Variants in LDLRAD3 observed in about 807,000 individuals in gnomAD.
The protein encoded by LDLRAD3 is low density lipoprotein receptor class A domain containing 3.
LDLRAD3 carries 20 observed loss-of-function variants against 29.4 expected under a neutral mutation model. That is an observed-to-expected ratio of 0.68 (90% CI 0.48 to 0.99). The LOEUF (loss-of-function observed/expected upper bound fraction) is 0.99, where lower values mean the gene tolerates loss of function less well. Ranked by LOEUF, LDLRAD3 falls within the 50% of genes least tolerant of loss-of-function variation. The pLI, the probability that LDLRAD3 is intolerant of heterozygous loss-of-function variation, is 0.00. For missense variants in LDLRAD3, 420 were observed against 454.3 expected (o/e 0.92, Z 0.69); for synonymous variants, 157 against 192.7 (o/e 0.81, Z 1.53).
chr11:36,140,992 T>TTCTTTCTCTCTC (rs1279929124), intron 4 of LDLRAD3, among the ~76,000 whole-genome samples: 89 of 110,048 alleles, frequency 8.1e-4, no homozygotes, highest in African/African-American at 2.7e-3. Context: ...CTGTTGAGCT[T>TTCTTTCTCTCTC]TCTCTCTCTC....
At chr11:36,054,532 T>C (rs1183297640) in intron 2 of LDLRAD3, among the ~76,000 whole-genome samples, 1 of 152,246 alleles carries the variant, frequency 6.6e-6, no homozygotes, top group Non-Finnish European at 1.5e-5. Context: ...AATAGAAACA[T>C]GCCCTCTGGC....
At chr11:36,033,992 A>T (rs978733298) in intron 1 of LDLRAD3, among the ~76,000 whole-genome samples, 1 of 152,150 alleles carries the variant, frequency 6.6e-6, no homozygotes, top group Non-Finnish European at 1.5e-5. Flanking sequence ...GAGCTGCATG[A>T]TTTTTGAATT....
At chr11:36,011,560 C>G (rs1342631691) in intron 1 of LDLRAD3, among the ~76,000 whole-genome samples, 1 of 29,958 alleles carries the variant, frequency 3.3e-5, no homozygotes, top group African/African-American at 5.0e-5. Context: ...ATCAAAAGTT[C>G]TGCTACCTCA....
chr11:36,024,359 C>T (rs185708485), intron 1 of LDLRAD3, among the ~76,000 whole-genome samples: 1 of 93,120 alleles, frequency 1.1e-5, no homozygotes, highest in East Asian at 3.3e-4. Context: ...TATCTATAGC[C>T]ATATCTTTGT....
intron 2 of LDLRAD3, among the ~76,000 whole-genome samples, chr11:36,040,554 C>T (rs1293054702): frequency 1.3e-5 from 2 of 152,154 alleles, no homozygotes; most frequent in Non-Finnish European, 2.9e-5. Context: ...CATTAACTTG[C>T]TATAATATGG....
intron 4 of LDLRAD3, among the ~76,000 whole-genome samples, chr11:36,153,463 C>T (rs1854304513): frequency 6.6e-6 from 1 of 152,074 alleles, no homozygotes; most frequent in African/African-American, 2.4e-5. Context: ...GGTATCTCTG[C>T]TTTCCCAGAC....
At chr11:35,997,405 A>T in intron 1 of LDLRAD3, 1 of 426,324 alleles carries the variant, frequency 2.3e-6, no homozygotes, top group Non-Finnish European at 4.5e-6. Flanking sequence ...GTTTCTTTCC[A>T]TCTCTTTGTG....
chr11:35,988,331 A>G (rs1851640211), intron 1 of LDLRAD3, among the ~76,000 whole-genome samples: 1 of 152,158 alleles, frequency 6.6e-6, no homozygotes, highest in South Asian at 2.1e-4. Context: ...AAGTGCTGAG[A>G]TTACAGGCAT....
chr11:36,172,985 T>C (rs1854619007), intron 4 of LDLRAD3, among the ~76,000 whole-genome samples: 1 of 152,206 alleles, frequency 6.6e-6, no homozygotes, highest in Admixed American at 6.5e-5. Flanking sequence ...AATTTTTTAA[T>C]TATCATTTCA....
At chr11:36,078,477 T>A (rs771223318) in intron 2 of LDLRAD3, among the ~76,000 whole-genome samples, 20 of 152,282 alleles carry the variant, frequency 1.3e-4, no homozygotes, top group Non-Finnish European at 2.6e-4. Flanking sequence ...CGTGCACACA[T>A]CCGGCTGGGT....
intron 2 of LDLRAD3, among the ~76,000 whole-genome samples, chr11:36,060,112 T>C (rs1431306865): frequency 6.6e-6 from 1 of 152,166 alleles, no homozygotes; most frequent in Non-Finnish European, 1.5e-5. Flanking sequence ...CCCAGCACTT[T>C]GGGAGGCCAA....
In LDLRAD3 at chr11:36,227,080, C is replaced by T. The variant is rs771499207; in HGVS notation, c.455-5C>T. On this transcript the variant is annotated splice_region_variant and splice_polypyrimidine_tract_variant and intron_variant, in intron 4 of 5. Coordinates refer to ENST00000315571, the MANE Select transcript of LDLRAD3 (RefSeq NM_174902.4). Reference sequence around the variant, plus strand: ...CTCTTTTCTCTCCTCTCTTGGGTTTCTCAGAACCCGGCAGTGGGCAGGTGT... The same window carrying T: ...CTCTTTTCTCTCCTCTCTTGGGTTTTTCAGAACCCGGCAGTGGGCAGGTGT... The T allele has an allele frequency of 6.3e-7, 1 of 1,575,520 alleles. No individual in the cohort carries two copies. The highest frequency in any genetic ancestry group is 1.2e-5 in the South Asian group (1 of 86,482).
intron 4 of LDLRAD3, among the ~76,000 whole-genome samples, chr11:36,173,137 ATGGTCTTTTG>A (rs1854621695): frequency 6.6e-6 from 1 of 151,970 alleles, no homozygotes; most frequent in Non-Finnish European, 1.5e-5. Context: ...GTAGCCTTGA[ATGGTCTTTTG>A]TATTTCTGTG....
chr11:36,169,164 T>C (rs956134910), intron 4 of LDLRAD3, among the ~76,000 whole-genome samples: 17 of 152,198 alleles, frequency 1.1e-4, no homozygotes, highest in Non-Finnish European at 2.1e-4. Context: ...AGCTTTTTTA[T>C]TGATACATAA....
At chr11:36,070,157 C>T (rs759690831) in intron 2 of LDLRAD3, among the ~76,000 whole-genome samples, 3 of 152,226 alleles carry the variant, frequency 2.0e-5, no homozygotes, top group Non-Finnish European at 4.4e-5. Flanking sequence ...ACTGACTCAG[C>T]ACCAGACAGG....
intron 1 of LDLRAD3, among the ~76,000 whole-genome samples, chr11:35,969,432 A>G (rs943986145): frequency 6.6e-6 from 1 of 152,242 alleles, no homozygotes; most frequent in Non-Finnish European, 1.5e-5. Context: ...GCAGAAGCTT[A>G]TGACTTAATG....
At chr11:35,956,741 TATTTA>T (rs1851205131) in intron 1 of LDLRAD3, among the ~76,000 whole-genome samples, 1 of 152,246 alleles carries the variant, frequency 6.6e-6, no homozygotes, top group African/African-American at 2.4e-5. Context: ...TTATTTATTT[TATTTA>T]TTTTTTTTGA....
At chr11:36,010,145 C>T (rs144294597) in intron 1 of LDLRAD3, 111 of 154,456 alleles carry the variant, frequency 7.2e-4, no homozygotes, top group African/African-American at 2.6e-3. Context: ...GGATTGCTTG[C>T]CCCTTGCTCC....
intron 4 of LDLRAD3, among the ~76,000 whole-genome samples, chr11:36,221,234 C>G (rs893962956): frequency 1.3e-5 from 2 of 151,980 alleles, no homozygotes; most frequent in African/African-American, 4.8e-5. Context: ...GCTTATAATC[C>G]CAGTTACTCG....
Sources: allele counts gnomAD v4.1 joint callset (sites outside exome capture counted in the v4.1 genomes callset), GRCh38; gene constraint gnomAD v4.1.1; transcripts MANE v1.5; gene names NCBI Gene and HGNC (gene_info 2026-07-23, HGNC 2026-07-21).